The following REEP1 variants were observed in gnomAD, a reference collection of about 807,000 sequenced individuals.
The protein encoded by REEP1 is receptor accessory protein 1, also known as receptor expression-enhancing protein 1.
Under a neutral mutation model 40.3 loss-of-function variants are expected in REEP1, and 22 were observed. The observed-to-expected ratio is 0.55, with a 90% CI of 0.39 to 0.78. REEP1 has a LOEUF of 0.78. Ranked by LOEUF, REEP1 falls within the 30% of genes least tolerant of loss-of-function variation. REEP1 has a pLI of 0.00. For synonymous variants in REEP1, 116 were observed against 139.2 expected (o/e 0.83, Z 1.17); for missense variants, 280 against 361.1 (o/e 0.78, Z 1.82).
intron 1 of REEP1, among the ~76,000 whole-genome samples, chr2:86,324,365 T>C (rs1680407034): frequency 6.6e-6 from 1 of 152,050 alleles, no homozygotes; most frequent in South Asian, 2.1e-4. Flanking sequence ...AGAGAGAACA[T>C]GAATGGCCAA....
intron 6 of REEP1, among the ~76,000 whole-genome samples, chr2:86,228,799 C>T (rs1674861053): frequency 1.3e-5 from 2 of 152,170 alleles, no homozygotes; most frequent in African/African-American, 4.8e-5. Flanking sequence ...TTCCCACACC[C>T]CACTCACATT....
At chr2:86,217,148 G>A (rs749120953) in intron 8 of REEP1, 38 bp from the exon 9 acceptor site, 1 of 1,555,876 alleles carries the variant, frequency 6.4e-7, no homozygotes, top group Admixed American at 1.7e-5. Flanking sequence ...TCAGTTTGGT[G>A]TAAATGTGGG....
chr2:86,256,332 A>G (rs1676560890), intron 3 of REEP1, among the ~76,000 whole-genome samples: 1 of 140,868 alleles, frequency 7.1e-6, no homozygotes, highest in Non-Finnish European at 1.5e-5. Flanking sequence ...TGGGCGACAG[A>G]GCAAGATTCC....
chr2:86,331,680 G>A (rs907199117), intron 1 of REEP1, among the ~76,000 whole-genome samples: 3 of 152,148 alleles, frequency 2.0e-5, no homozygotes, highest in African/African-American at 7.2e-5. Flanking sequence ...ACAAGGCCAC[G>A]GGGAGAGGGA....
At chr2:86,245,818 G>A (rs1675911330) in intron 5 of REEP1, among the ~76,000 whole-genome samples, 2 of 150,016 alleles carry the variant, frequency 1.3e-5, no homozygotes, top group Non-Finnish European at 3.0e-5. Flanking sequence ...AGGCTGGAGT[G>A]CAGTGGTGCT....
chr2:86,269,950 T>G (rs904425490), intron 2 of REEP1, among the ~76,000 whole-genome samples: 3 of 152,008 alleles, frequency 2.0e-5, no homozygotes, highest in Non-Finnish European at 4.4e-5. Context: ...AGGACTTGTA[T>G]TCAACATATA....
intron 7 of REEP1, chr2:86,223,562 C>T (rs556765745): frequency 1.3e-5 from 2 of 152,402 alleles, no homozygotes; most frequent in East Asian, 3.9e-4. Context: ...CACTAAAACT[C>T]ACACGTGTGC....
chr2:86,266,067 T>C (rs1276617492), intron 2 of REEP1, among the ~76,000 whole-genome samples: 1 of 151,950 alleles, frequency 6.6e-6, no homozygotes, highest in African/African-American at 2.4e-5. Context: ...AGGAGAAAAA[T>C]TGGTCAATAG....
At chr2:86,257,714 T>G (rs1207255039) in intron 3 of REEP1, among the ~76,000 whole-genome samples, 1 of 151,660 alleles carries the variant, frequency 6.6e-6, no homozygotes, top group Non-Finnish European at 1.5e-5. Flanking sequence ...CTCAGCTCAC[T>G]GCAACCTCCA....
intron 1 of REEP1, among the ~76,000 whole-genome samples, chr2:86,282,657 T>C (rs1238275863): frequency 2.0e-5 from 3 of 152,168 alleles, no homozygotes; most frequent in African/African-American, 7.2e-5. Flanking sequence ...TTCACTCCCC[T>C]TGGACTTGAT....
At chr2:86,271,627 C>T (rs1677456526) in intron 2 of REEP1, among the ~76,000 whole-genome samples, 1 of 152,318 alleles carries the variant, frequency 6.6e-6, no homozygotes, top group Non-Finnish European at 1.5e-5. Flanking sequence ...GGATTACTTA[C>T]AGATCTTCTC....
chr2:86,227,349 G>A lies in REEP1; in HGVS notation c.631+14C>T. ...GAGTCCAGCACGCTGCGGAGAGGCT[G>A]GCTGCTTACTCACCTTTCCAGGTCC... On this transcript the variant is annotated intron_variant, in intron 7 of 8. Transcript: ENST00000538924. 1 of 1,232,284 alleles carries A rather than the reference G, an allele frequency of 8.1e-7. No individual in the cohort carries two copies. Among genetic ancestry groups the A allele is most frequent in the Non-Finnish European group, 1.0e-6 (1 of 988,076 alleles). 76.3% of individuals were successfully genotyped at this position (1,232,284 alleles called of 1,614,324 possible). A position where few individuals can be genotyped will look rare whatever the true frequency, so the allele number is the denominator to read the frequency against.
chr2:86,259,750 G>A (rs1433652934), intron 3 of REEP1, among the ~76,000 whole-genome samples: 1 of 152,036 alleles, frequency 6.6e-6, no homozygotes, highest in Non-Finnish European at 1.5e-5. Context: ...TGTGAAACAA[G>A]CCACCATCTT....
chr2:86,294,728 T>TAGATAGAC (rs1678892075), intron 1 of REEP1, among the ~76,000 whole-genome samples: 2 of 128,692 alleles, frequency 1.6e-5, no homozygotes, highest in African/African-American at 5.8e-5. Context: ...ATATTTTAGA[T>TAGATAGAC]AGATAGATAG....
At chr2:86,289,569 A>G (rs1216310344) in intron 1 of REEP1, among the ~76,000 whole-genome samples, 1 of 152,150 alleles carries the variant, frequency 6.6e-6, no homozygotes, top group Non-Finnish European at 1.5e-5. Context: ...GTCAAGTCCC[A>G]CATAAAACCT....
At chr2:86,226,468 CT>C (rs745419771) in intron 7 of REEP1, among the ~76,000 whole-genome samples, 926 of 24,864 alleles carry the variant, frequency 0.037, 10 homozygotes, top group East Asian at 0.28. Context: ...TTTTTCTTTT[CT>C]TTTTTTTTTT....
chr2:86,222,209 T>G (rs961924152), intron 7 of REEP1, among the ~76,000 whole-genome samples: 1 of 152,118 alleles, frequency 6.6e-6, no homozygotes, highest in African/African-American at 2.4e-5. Context: ...CCAAAATGGC[T>G]TTGTGCATGT....
intron 2 of REEP1, among the ~76,000 whole-genome samples, chr2:86,276,101 A>T (rs1677742448): frequency 6.6e-6 from 1 of 152,174 alleles, no homozygotes; most frequent in Non-Finnish European, 1.5e-5. Context: ...CATGTACCAA[A>T]CAGCCAAGTG....
intron 1 of REEP1, among the ~76,000 whole-genome samples, chr2:86,330,414 G>GT (rs1406769235): frequency 7.8e-6 from 1 of 127,800 alleles, no homozygotes; most frequent in East Asian, 2.5e-4. Context: ...AGTGAATCCT[G>GT]GTGTGTGTGT....
Sources: gnomAD v4.1 joint callset for allele counts (sites outside exome capture counted in the v4.1 genomes callset) on GRCh38, gnomAD v4.1.1 for gene constraint, MANE v1.5 for transcripts, NCBI Gene and HGNC (gene_info 2026-07-23, HGNC 2026-07-21) for gene names.